Variants in E2F3 observed in about 807,000 individuals in gnomAD.
E2F3 encodes E2F transcription factor 3, also known as transcription factor E2F3.
Under a neutral mutation model 44.4 loss-of-function variants are expected in E2F3, and 11 were observed. The observed-to-expected ratio is 0.25, with a 90% CI of 0.16 to 0.41. E2F3 has a LOEUF of 0.41. Among genes scored for constraint, E2F3 ranks in the 10% least tolerant of loss-of-function variants. E2F3 has a pLI of 1.00. For missense variants in E2F3, 487 were observed against 583.6 expected (o/e 0.83, Z 1.70); for synonymous variants, 249 against 253.0 (o/e 0.98, Z 0.15).
At chr6:20,414,481 A>G (rs777567435) in intron 1 of E2F3, among the ~76,000 whole-genome samples, 4 of 152,198 alleles carry the variant, frequency 2.6e-5, no homozygotes, top group Admixed American at 2.6e-4. Flanking sequence ...CATTAAAAAA[A>G]AAAAATCTTG....
intron 1 of E2F3, among the ~76,000 whole-genome samples, chr6:20,474,844 G>A (rs1303636917): frequency 6.6e-6 from 1 of 152,170 alleles, no homozygotes; most frequent in Admixed American, 6.5e-5. Context: ...GTAATATGTG[G>A]TCCCCACAAA....
chr6:20,465,808 C>CATATAT (rs199684582), intron 1 of E2F3, among the ~76,000 whole-genome samples: 3 of 151,650 alleles, frequency 2.0e-5, no homozygotes, highest in African/African-American at 7.3e-5. Context: ...AGTATTCCAT[C>CATATAT]ATATATATAT....
chr6:20,482,883 G>T lies in E2F3; in HGVS notation c.847G>T (p.Asp283Tyr). 6.2e-7 allele frequency: 1 copy of T among 1,613,858 alleles called. No individual in the cohort carries two copies. The highest frequency in any genetic ancestry group is 1.1e-5 in the South Asian group (1 of 91,078). ...TGAACTGATCCAAAGCTGCACCCTG[G>T]ACCTCAAACTGTTAACCGAGGATTC... ...LDELIQSCTL[D>Y]LKLLTEDSEN... The change falls in exon 4 of 7, where the codon GAC (aspartate) becomes TAC (tyrosine). Residue 283 changes from aspartate (D) to tyrosine (Y), a missense_variant. Physicochemically the swap from Asp to Tyr is radical, Grantham distance 160. Around this residue, in one of 3 missense-constraint regions of E2F3, gnomAD observed 220 missense variants for 261.7 expected, o/e 0.84. Coordinates refer to ENST00000346618, the MANE Select transcript of E2F3 (RefSeq NM_001949.5).
chr6:20,437,864 A>T (rs1161133786), intron 1 of E2F3: 3 of 152,222 alleles, frequency 2.0e-5, no homozygotes, highest in Admixed American at 2.0e-4. Context: ...GGCAGAACTG[A>T]TGGAGAGCAG....
At chr6:20,407,164 A>G (rs539563218) in intron 1 of E2F3, among the ~76,000 whole-genome samples, 1 of 152,188 alleles carries the variant, frequency 6.6e-6, no homozygotes, top group Non-Finnish European at 1.5e-5. Context: ...TCTATACTCA[A>G]TAATCTTGCT....
intron 1 of E2F3, among the ~76,000 whole-genome samples, chr6:20,476,103 G>T (rs1762034369): frequency 6.6e-6 from 1 of 151,966 alleles, no homozygotes; most frequent in South Asian, 2.1e-4. Flanking sequence ...TGGGCACGGT[G>T]GCTCACGCCT....
intron 1 of E2F3, chr6:20,421,577 T>C (rs1302144186): frequency 1.3e-5 from 2 of 152,256 alleles, no homozygotes; most frequent in Non-Finnish European, 2.9e-5. Flanking sequence ...GCAGTAGTTA[T>C]CAACAATGGG....
intron 1 of E2F3, among the ~76,000 whole-genome samples, chr6:20,465,975 G>C (rs1157975098): frequency 6.6e-6 from 1 of 152,146 alleles, no homozygotes; most frequent in Non-Finnish European, 1.5e-5. Context: ...TAGTGGGATT[G>C]CTGGATCAAG....
At chr6:20,484,153 T>C (rs1328830898) in intron 4 of E2F3, among the ~76,000 whole-genome samples, 1 of 152,230 alleles carries the variant, frequency 6.6e-6, no homozygotes, top group Non-Finnish European at 1.5e-5. Flanking sequence ...ATGTGGCTTA[T>C]GGCATTGTCA....
chr6:20,486,902 T>A (rs930070951), intron 5 of E2F3, 99 bp downstream of exon 5: 5 of 709,582 alleles, frequency 7.0e-6, no homozygotes, highest in Non-Finnish European at 1.2e-5. Context: ...CCCCCTCCTA[T>A]GAACTTGATG....
At chr6:20,431,778 T>G (rs1158519218) in intron 1 of E2F3, among the ~76,000 whole-genome samples, 2 of 152,172 alleles carry the variant, frequency 1.3e-5, no homozygotes, top group African/African-American at 4.8e-5. Context: ...TTTGGAAATA[T>G]CTAAATTTAG....
chr6:20,443,500 G>A (rs1581606500), intron 1 of E2F3, among the ~76,000 whole-genome samples: 1 of 152,164 alleles, frequency 6.6e-6, no homozygotes, highest in East Asian at 1.9e-4. Flanking sequence ...AGTGCTTTGG[G>A]AAGCTGAGGT....
chr6:20,492,650 G>T lies in E2F3; in HGVS notation c.*2220G>T. On this transcript the variant is annotated 3_prime_UTR_variant, in exon 7 of 7. Coordinates refer to ENST00000346618, the MANE Select transcript of E2F3 (RefSeq NM_001949.5). ...AGCTCACCTGGCTAGATTGTTGTGT[G>T]TTTTGTTGAATTTTTTCATAATGTA... 4.3e-6 allele frequency: 1 copy of T among 231,896 alleles called. No individual in the cohort carries two copies. The highest frequency in any genetic ancestry group is 6.1e-5 in the East Asian group (1 of 16,458). 14.4% of individuals were successfully genotyped at this position (231,896 alleles called of 1,614,324 possible). A position where few individuals can be genotyped will look rare whatever the true frequency, so the allele number is the denominator to read the frequency against.
chr6:20,462,859 CTTTTTTTTTTTTTTTTTTTTT>C (rs780366667), intron 1 of E2F3, among the ~76,000 whole-genome samples: 21 of 48,850 alleles, frequency 4.3e-4, no homozygotes, highest in African/African-American at 1.4e-3. Flanking sequence ...CTCTCTCTCT[CTTTTTTTTTTTTTTTTTTTTT>C]TTTTTTTTTT....
intron 1 of E2F3, among the ~76,000 whole-genome samples, chr6:20,407,141 G>A (rs977089866): frequency 2.0e-5 from 3 of 152,084 alleles, no homozygotes; most frequent in Admixed American, 6.5e-5. Flanking sequence ...GAAAAGTGCC[G>A]GGTTCCTGTG....
intron 1 of E2F3, chr6:20,452,617 A>T (rs890229392): frequency 6.6e-6 from 1 of 152,038 alleles, no homozygotes; most frequent in Non-Finnish European, 1.5e-5. Flanking sequence ...TACCTTTTTT[A>T]AAAAAGCAAA....
intron 1 of E2F3, among the ~76,000 whole-genome samples, chr6:20,414,109 T>C (rs12527393): frequency 0.22 from 33,137 of 152,092 alleles, 4,333 homozygotes; most frequent in South Asian, 0.31. Flanking sequence ...AGTGGAAGTC[T>C]TGATGAACAA....
intron 1 of E2F3, among the ~76,000 whole-genome samples, chr6:20,451,300 G>A (rs1448142207): frequency 6.6e-6 from 1 of 152,072 alleles, no homozygotes; most frequent in Non-Finnish European, 1.5e-5. Context: ...TGTATTCCTA[G>A]GTGTTTTATT....
At chr6:20,426,087 A>G (rs1760206041) in intron 1 of E2F3, among the ~76,000 whole-genome samples, 1 of 152,238 alleles carries the variant, frequency 6.6e-6, no homozygotes, top group Admixed American at 6.5e-5. Context: ...TCCATTTGAA[A>G]TTGCAAATTT....
Sources: gnomAD v4.1 joint callset for allele counts (sites outside exome capture counted in the v4.1 genomes callset) on GRCh38, gnomAD v4.1.1 for gene constraint, gnomAD v4.1.1 regional missense constraint, MANE v1.5 for transcripts, NCBI Gene and HGNC (gene_info 2026-07-23, HGNC 2026-07-21) for gene names.